AGBL1: variants seen among roughly 807,000 people sequenced by gnomAD.
The protein encoded by AGBL1 is AGBL carboxypeptidase 1.
Under a neutral mutation model 118.9 loss-of-function variants are expected in AGBL1, and 130 were observed. The ratio of observed to expected loss-of-function variants is 1.09; its 90% CI spans 0.95 to 1.26. The LOEUF is 1.26. AGBL1 is among the 50% of genes most tolerant of loss of function. The probability of loss-of-function intolerance (pLI) is 0.00; values close to 1 mark genes in which losing one functional copy is unlikely to be tolerated. For missense variants in AGBL1, 1,584 were observed against 1,298.1 expected (o/e 1.22, Z -3.38); for synonymous variants, 555 against 478.9 (o/e 1.16, Z -2.08).
intron 18 of AGBL1, among the ~76,000 whole-genome samples, chr15:86,422,079 G>T (rs528083751): frequency 5.3e-5 from 8 of 152,276 alleles, no homozygotes; most frequent in African/African-American, 1.7e-4. Context: ...CTTGAACTAA[G>T]CTCTAGACCA....
intron 16 of AGBL1, among the ~76,000 whole-genome samples, chr15:86,290,824 A>C (rs1378348475): frequency 6.6e-6 from 1 of 151,812 alleles, no homozygotes; most frequent in Non-Finnish European, 1.5e-5. Context: ...ATATCTCCTA[A>C]TGCCATCCCT....
intron 17 of AGBL1, among the ~76,000 whole-genome samples, chr15:86,391,062 G>A (rs867686166): frequency 4.9e-4 from 73 of 150,414 alleles, no homozygotes; most frequent in African/African-American, 1.7e-3. Flanking sequence ...GAGGCTAGGG[G>A]TGGGGTGAAA....
At chr15:86,649,673 C>T in intron 21 of AGBL1, among the ~76,000 whole-genome samples, 1 of 148,646 alleles carries the variant, frequency 6.7e-6, no homozygotes, top group Admixed American at 6.7e-5. Flanking sequence ...TCATTTCCTT[C>T]TATCTTTTTA....
intron 7 of AGBL1, among the ~76,000 whole-genome samples, chr15:86,251,228 G>C (rs1016249512): frequency 5.9e-5 from 9 of 152,190 alleles, no homozygotes; most frequent in African/African-American, 1.7e-4. Flanking sequence ...GCTCATAAGT[G>C]TTGGAGCTAG....
chr15:86,548,662 C>T lies in AGBL1; in HGVS notation c.2817+2529C>T, dbSNP rs922049282. Among the ~76,000 whole-genome samples the T allele has an allele frequency of 3.5e-4, 37 of 106,600 alleles. No individual in the cohort carries two copies. In the East Asian group the frequency reaches 6.7e-3, roughly 19 times the overall value. The allele number at this position is 106,600 out of a possible 152,430, so 69.9% of individuals were successfully genotyped here. ...GGATAGCCACACACACACACATGCACGCACACACACACACACACACACACA... is the reference window on the plus strand; with the variant it reads ...GGATAGCCACACACACACACATGCATGCACACACACACACACACACACACA... On this transcript the variant is annotated intron_variant, in intron 20 of 22. Transcript: ENST00000614907.
chr15:86,330,853 G>C (rs6496322), intron 17 of AGBL1, among the ~76,000 whole-genome samples: 118,849 of 152,114 alleles, frequency 0.78, 47,246 homozygotes, highest in African/African-American at 0.86. Flanking sequence ...ATAACTGGAC[G>C]AATTGGAAGA....
intron 21 of AGBL1, among the ~76,000 whole-genome samples, chr15:86,571,989 G>A (rs1163629947): frequency 6.6e-6 from 1 of 152,212 alleles, no homozygotes; most frequent in Non-Finnish European, 1.5e-5. Flanking sequence ...TCCCTCCCAT[G>A]CTTGTTGGTG....
intron 21 of AGBL1, chr15:86,630,443 A>T (rs913351945): frequency 2.6e-5 from 4 of 152,268 alleles, no homozygotes; most frequent in Admixed American, 2.6e-4. Flanking sequence ...TCCCACACTT[A>T]CGGGAGGGCA....
In AGBL1 at chr15:86,646,863, T is replaced by A. The variant is rs181642668; in HGVS notation, c.2995-27410T>A. On this transcript the variant is annotated intron_variant, in intron 21 of 22. Transcript: ENST00000614907. ...TACATGTTCATTCTTAAATTATATA[T>A]GAAAATACATTCTAAAAGATATATT... is the stretch of plus-strand genomic sequence containing the variant. Among the ~76,000 whole-genome samples the A allele has an allele frequency of 2.1e-3, 324 of 152,310 alleles. 2 individuals are homozygous for A. The highest frequency in any genetic ancestry group is 7.0e-3 in the Admixed American group (107 of 15,292).
chr15:86,882,061 G>T (rs2079900637), intron 22 of AGBL1, among the ~76,000 whole-genome samples: 2 of 152,154 alleles, frequency 1.3e-5, no homozygotes, highest in African/African-American at 2.4e-5. Flanking sequence ...AGATCTACTT[G>T]CATTAAATGG....
chr15:86,229,924 T>A (rs1035768605), intron 6 of AGBL1, among the ~76,000 whole-genome samples: 1 of 152,214 alleles, frequency 6.6e-6, no homozygotes, highest in East Asian at 1.9e-4. Context: ...TAAGTCTCTG[T>A]CAGACCACTC....
intron 21 of AGBL1, among the ~76,000 whole-genome samples, chr15:86,650,678 C>T (rs2085354046): frequency 6.6e-6 from 1 of 152,128 alleles, no homozygotes; most frequent in Non-Finnish European, 1.5e-5. Flanking sequence ...AACTATAGGG[C>T]AAGATGTCTG....
At chr15:86,110,215 G>T (rs1001174936) in intron 1 of AGBL1, among the ~76,000 whole-genome samples, 3 of 152,216 alleles carry the variant, frequency 2.0e-5, no homozygotes, top group Non-Finnish European at 2.9e-5. Flanking sequence ...CAACGTTGGG[G>T]TTAGGGGCAC....
chr15:86,665,845 C>T (rs1368027821), intron 21 of AGBL1, among the ~76,000 whole-genome samples: 2 of 151,694 alleles, frequency 1.3e-5, no homozygotes, highest in African/African-American at 4.8e-5. Context: ...TTATTGTAGT[C>T]CTTTTCCTGT....
At chr15:86,273,534 G>A (rs544789261) in intron 15 of AGBL1, among the ~76,000 whole-genome samples, 5 of 152,188 alleles carry the variant, frequency 3.3e-5, no homozygotes, top group Admixed American at 3.3e-4. Context: ...AAATTAGAAC[G>A]CCTCTCTCAA....
chr15:86,324,232 G>A (rs1403143449), intron 17 of AGBL1, among the ~76,000 whole-genome samples: 1 of 152,200 alleles, frequency 6.6e-6, no homozygotes, highest in Non-Finnish European at 1.5e-5. Flanking sequence ...ATGTGTAAGT[G>A]TTGTAAGCAC....
intron 19 of AGBL1, among the ~76,000 whole-genome samples, chr15:86,529,763 G>A (rs1439751521): frequency 2.6e-5 from 4 of 151,874 alleles, no homozygotes; most frequent in African/African-American, 9.7e-5. Context: ...GGATCTCTCG[G>A]CAGAAACCCT....
intron 22 of AGBL1, among the ~76,000 whole-genome samples, chr15:86,802,983 A>T (rs1375045262): frequency 6.6e-6 from 1 of 152,184 alleles, no homozygotes; most frequent in Non-Finnish European, 1.5e-5. Flanking sequence ...TTGGACTGCT[A>T]TTAACCATTA....
chr15:86,563,046 T>G (rs961660661), intron 21 of AGBL1, among the ~76,000 whole-genome samples: 3 of 152,222 alleles, frequency 2.0e-5, no homozygotes, highest in Admixed American at 6.5e-5. Flanking sequence ...TTTTCTTTAT[T>G]AGTCTTGCTA....
Sources: allele counts gnomAD v4.1 joint callset (sites outside exome capture counted in the v4.1 genomes callset), GRCh38; gene constraint gnomAD v4.1.1; transcripts MANE v1.5; gene names NCBI Gene and HGNC (gene_info 2026-07-23, HGNC 2026-07-21).